The following ERCC6L2 variants were observed in gnomAD, a reference collection of about 807,000 sequenced individuals.
ERCC6L2 encodes the protein ERCC excision repair 6 like 2, also known as DNA excision repair protein ERCC-6-like 2.
Under a neutral mutation model 132.0 loss-of-function variants are expected in ERCC6L2, and 77 were observed. The observed-to-expected ratio is 0.58, with a 90% CI of 0.49 to 0.71. ERCC6L2 has a LOEUF of 0.71. Among genes scored for constraint, ERCC6L2 ranks in the 30% least tolerant of loss-of-function variants. The pLI, the probability that ERCC6L2 is intolerant of heterozygous loss-of-function variation, is 0.00. For synonymous variants in ERCC6L2, 583 were observed against 632.4 expected, an observed-to-expected ratio of 0.92 and a Z score of 1.17; for missense variants, 1,542 against 1,837.6, an observed-to-expected ratio of 0.84 and a Z score of 2.94.
At chr9:95,938,811 T>A (rs530434235) in intron 11 of ERCC6L2, among the ~76,000 whole-genome samples, 37 of 152,316 alleles carry the variant, frequency 2.4e-4, no homozygotes, top group South Asian at 1.9e-3. Context: ...TAGGCCATTA[T>A]ATTGAAGGTA....
In ERCC6L2 at chr9:95,892,408, G is replaced by A. The variant is rs186633895; in HGVS notation, c.472-5441G>A. On this transcript the variant is annotated intron_variant, in intron 2 of 18. Coordinates refer to ENST00000653738, the MANE Select transcript of ERCC6L2 (RefSeq NM_020207.7). ...TAGATTCCTAAAAGTCAAGTTTCTC[G>A]GTGAAGTGTATAAATCTTTTTTTTT... 6.3e-4 allele frequency among the ~76,000 whole-genome samples: 95 copies of A among 150,392 alleles called. 2 individuals are homozygous for A. The East Asian group carries it at 7.5e-3, about 12-fold the overall frequency.
chr9:96,039,270 C>T (rs911476989), intron 20 of ERCC6L2, among the ~76,000 whole-genome samples: 11 of 152,096 alleles, frequency 7.2e-5, no homozygotes, highest in African/African-American at 4.8e-5. Flanking sequence ...GTTGGGCAGG[C>T]GAGCCCCAGC....
intron 16 of ERCC6L2, among the ~76,000 whole-genome samples, chr9:95,973,521 C>T (rs572978400): frequency 5.9e-5 from 9 of 152,158 alleles, no homozygotes; most frequent in Non-Finnish European, 1.0e-4. Flanking sequence ...ACAATCATGG[C>T]GGAAGGCAGT....
intron 11 of ERCC6L2, among the ~76,000 whole-genome samples, chr9:95,939,219 C>A (rs761374246): frequency 9.9e-5 from 15 of 151,784 alleles, no homozygotes; most frequent in Non-Finnish European, 1.9e-4. Flanking sequence ...TTTATATTCA[C>A]CCCTATTTTA....
chr9:95,955,780 A>G (rs985382719), intron 12 of ERCC6L2, 134 bp from the exon 13 acceptor site: 7 of 471,678 alleles, frequency 1.5e-5, no homozygotes, highest in Non-Finnish European at 2.6e-5. Flanking sequence ...TAAATAGAGC[A>G]TATTTAAACA....
downstream of ERCC6L2, chr9:96,019,693 C>T (rs1340953612): frequency 6.6e-6 from 1 of 152,342 alleles, no homozygotes; most frequent in African/African-American, 2.4e-5. Flanking sequence ...TCAGTCCATT[C>T]TCACGCTGCT....
chr9:96,004,932 T>A (rs1169433239), intron 18 of ERCC6L2: 1 of 329,116 alleles, frequency 3.0e-6, no homozygotes, highest in Non-Finnish European at 5.9e-6. Flanking sequence ...ATGAAATACT[T>A]AAGTGCATTT....
chr9:95,942,939 A>G (rs766476061), intron 12 of ERCC6L2, among the ~76,000 whole-genome samples: 11 of 152,282 alleles, frequency 7.2e-5, no homozygotes, highest in Middle Eastern at 3.4e-3. Context: ...GAAAAGATAC[A>G]TTGTTAACAA....
At chr9:96,005,362 G>A (rs188193131) in intron 18 of ERCC6L2, among the ~76,000 whole-genome samples, 63 of 152,114 alleles carry the variant, frequency 4.1e-4, no homozygotes, top group African/African-American at 1.5e-3. Flanking sequence ...AATGGGTTTG[G>A]CATCAAACCA....
At chr9:96,018,739 CTATTA>C (rs1482209294), downstream of ERCC6L2, among the ~76,000 whole-genome samples, 3 of 150,738 alleles carry the variant, frequency 2.0e-5, no homozygotes, top group Non-Finnish European at 4.4e-5. Flanking sequence ...CATTGTTTTT[CTATTA>C]TATTTCATGT....
chr9:96,035,971 G>A (rs140958751), intron 19 of ERCC6L2, among the ~76,000 whole-genome samples: 19 of 152,190 alleles, frequency 1.2e-4, no homozygotes, highest in African/African-American at 2.7e-4. Context: ...TGAAACTTTC[G>A]GAAAATAAAT....
chr9:96,034,032 C>A (rs531460453), intron 19 of ERCC6L2, among the ~76,000 whole-genome samples: 1 of 152,366 alleles, frequency 6.6e-6, no homozygotes, highest in East Asian at 1.9e-4. Context: ...AGCCCCGCTG[C>A]TCTCCGGTCA....
chr9:95,955,425 C>T (rs536447165), intron 12 of ERCC6L2, among the ~76,000 whole-genome samples: 2 of 148,822 alleles, frequency 1.3e-5, no homozygotes, highest in Non-Finnish European at 2.9e-5. Context: ...ACCATCACCA[C>T]AATTAACATA....
rs905277767 is a variant in ERCC6L2, at chr9:96,034,492, T to C, written c.*1504-4384T>C. 5.3e-4 allele frequency among the ~76,000 whole-genome samples: 80 copies of C among 152,332 alleles called. 1 individual carries two copies. The highest frequency in any genetic ancestry group is 4.9e-3 in the Admixed American group (75 of 15,298). On this transcript the variant is annotated intron_variant and NMD_transcript_variant, in intron 19 of 20. Transcript: ENST00000670016. ...ATTTGCAAAGGAGGCTGGTGTGGAA[T>C]GACCTGTGATAGTGGTGCTTAGACA...
Position 95,888,793 on chromosome 9 carries a change from A to G in ERCC6L2, c.471+7500A>G, listed in dbSNP as rs1828009241. On this transcript the variant is annotated intron_variant, in intron 2 of 18. Transcript: ENST00000653738. ...AGTGCCATTTATAGTCCTGGTCCATAAAATCCACCTGTGCTGTTCTTCACA... is the reference window on the plus strand; with the variant it reads ...AGTGCCATTTATAGTCCTGGTCCATGAAATCCACCTGTGCTGTTCTTCACA... Among the ~76,000 whole-genome samples the G allele has an allele frequency of 2.0e-5, 3 of 152,202 alleles. No homozygotes were observed. The South Asian group carries it at 6.2e-4, about 31-fold the overall frequency.
intron 2 of ERCC6L2, among the ~76,000 whole-genome samples, chr9:95,885,918 G>C (rs773016255): frequency 5.3e-5 from 8 of 152,208 alleles, no homozygotes; most frequent in Non-Finnish European, 1.2e-4. Context: ...CTCAGACGGT[G>C]TGTTTTTCAG....
intron 19 of ERCC6L2, among the ~76,000 whole-genome samples, chr9:96,036,818 G>A (rs1834525255): frequency 1.4e-5 from 2 of 146,492 alleles, no homozygotes; most frequent in Non-Finnish European, 3.0e-5. Flanking sequence ...CCAGGCTGGA[G>A]TGCAGTGGCG....
intron 1 of ERCC6L2, among the ~76,000 whole-genome samples, chr9:95,880,202 A>G (rs1013149492): frequency 4.6e-5 from 7 of 152,176 alleles, no homozygotes; most frequent in Non-Finnish European, 8.8e-5. Context: ...ACATCACTGT[A>G]GTTGAATTGG....
At chr9:95,895,984 C>G (rs1717250417) in intron 2 of ERCC6L2, among the ~76,000 whole-genome samples, 1 of 152,190 alleles carries the variant, frequency 6.6e-6, no homozygotes, top group African/African-American at 2.4e-5. Context: ...CCTTGGCCTC[C>G]CAAAGTGCTG....
Sources: gnomAD v4.1 joint callset for allele counts (sites outside exome capture counted in the v4.1 genomes callset) on GRCh38, gnomAD v4.1.1 for gene constraint, MANE v1.5 for transcripts, NCBI Gene and HGNC (gene_info 2026-07-23, HGNC 2026-07-21) for gene names.